The following TCF24 variants were observed in gnomAD, a reference collection of about 807,000 sequenced individuals.
The protein encoded by TCF24 is transcription factor 24.
In TCF24, 5 loss-of-function variants were observed where a neutral mutation model predicts 9.3. The ratio of observed to expected loss-of-function variants is 0.54; its 90% CI spans 0.28 to 1.13. The LOEUF (loss-of-function observed/expected upper bound fraction) is 1.13, where lower values mean the gene tolerates loss of function less well. TCF24 is among the 50% of genes most tolerant of loss of function. The pLI is 0.09. For synonymous variants in TCF24, 110 were observed against 115.8 expected (o/e 0.95, Z 0.32); for missense variants, 220 against 236.1 (o/e 0.93, Z 0.45).
At chr8:66,961,208 G>A (rs1024397462) in intron 3 of TCF24, among the ~76,000 whole-genome samples, 168 bp downstream of exon 3, 2 of 152,150 alleles carry the variant, frequency 1.3e-5, no homozygotes, top group Non-Finnish European at 2.9e-5. Flanking sequence ...CGGCTTTCGC[G>A]GCGGGGACCT....
Position 66,961,457 on chromosome 8 carries a change from G to C in TCF24, c.309C>G (p.Arg103=). Residue 103 remains arginine, a synonymous_variant, in exon 3 of 4, where the codon CGC becomes CGG. Transcript: ENST00000563496. ...GCGCCTCGGCGTCGTCCTGCAGGCT[G>C]CGGGTGAGATGCGCGATGTAGGTGG... ...LATTYIAHLT[R]SLQDDAEAPA... The C allele has an allele frequency of 2.0e-6, 3 of 1,528,492 alleles. No homozygotes were observed. The highest frequency in any genetic ancestry group is 1.7e-4 in the Middle Eastern group (1 of 5,908). 94.7% of individuals were successfully genotyped at this position (1,528,492 alleles called of 1,614,324 possible). A position where few individuals can be genotyped will look rare whatever the true frequency, so the allele number is the denominator to read the frequency against.
Position 66,946,880 on chromosome 8 carries a change from C to T in TCF24, c.*1171G>A, listed in dbSNP as rs181141732. ...TCTTAAGAATTATTAGCAAGAAAAT[C>T]ATTTTTCTGAAATTCTTGCTGTTAA... On this transcript the variant is annotated 3_prime_UTR_variant, in exon 4 of 4. Transcript: ENST00000563496. 6 of 152,186 alleles carry T rather than the reference C, an allele frequency of 3.9e-5. No homozygotes were observed. Among genetic ancestry groups the T allele is most frequent in the Admixed American group, 3.3e-4 (5 of 15,288 alleles). The allele number at this position is 152,186 out of a possible 1,614,324, so 9.4% of individuals were successfully genotyped here.
At chr8:66,948,691 CTATCTATCTATCTAT>C (rs1172818709) in intron 3 of TCF24, among the ~76,000 whole-genome samples, 40 of 150,794 alleles carry the variant, frequency 2.7e-4, no homozygotes, top group African/African-American at 9.9e-4. Context: ...ATCTATCTAT[CTATCTATCTATCTAT>C]TTTTTTTGAG....
At chr8:66,953,583 C>T (rs1183889124) in intron 3 of TCF24, among the ~76,000 whole-genome samples, 1 of 150,690 alleles carries the variant, frequency 6.6e-6, no homozygotes, top group African/African-American at 2.4e-5. Context: ...CTTGGAGTTG[C>T]TCTTCTCGAG....
At position 66,948,071 on chromosome 8, in the gene TCF24, G is replaced by A. The variant is rs1454030153; in HGVS notation, c.484C>T (p.Pro162Ser). The A allele has an allele frequency of 1.3e-6, 2 of 1,534,214 alleles. No homozygotes were observed. The highest frequency in any genetic ancestry group is 1.7e-6 in the Non-Finnish European group (2 of 1,146,348). Residue 162 changes from proline (P) to serine (S), a missense_variant, in exon 4 of 4, where the codon CCA (proline) becomes TCA (serine). Transcript: ENST00000563496. ...AGAGCCTAAGGCTGTGAGTCTGTTG[G>A]AGTGTTGTCATGATTTGTTTTTTCT... ...SGEKTNHDNT[P>S]TDSQP
intron 3 of TCF24, among the ~76,000 whole-genome samples, chr8:66,958,205 C>T (rs1195917951): frequency 1.3e-5 from 2 of 152,164 alleles, no homozygotes; most frequent in Non-Finnish European, 2.9e-5. Flanking sequence ...TGCATGTCAT[C>T]AGGATGCCAA....
chr8:66,952,658 TTC>T (rs1218072137), intron 3 of TCF24, among the ~76,000 whole-genome samples: 2 of 148,398 alleles, frequency 1.3e-5, no homozygotes, highest in Non-Finnish European at 3.0e-5. Context: ...CTTGTTGACT[TTC>T]TGTCTCGTTG....
rs192784883 is a variant in TCF24 at position 66,958,637 on chromosome 8, G to C, written c.390+2739C>G. ...GATCGCACCACTGCACTCTAGCTTG[G>C]GTGACAGAGAGAGACTCCATCTCAA... On this transcript the variant is annotated intron_variant, in intron 3 of 3. Coordinates refer to ENST00000563496, the MANE Select transcript of TCF24 (RefSeq NM_001193502.2). Among the ~76,000 whole-genome samples, 52 of 152,096 alleles carry C rather than the reference G, an allele frequency of 3.4e-4. No individual in the cohort carries two copies. In the East Asian group the frequency reaches 3.7e-3, roughly 11 times the overall value.
At chr8:66,950,015 C>CA (rs1457013118) in intron 3 of TCF24, among the ~76,000 whole-genome samples, 2 of 135,804 alleles carry the variant, frequency 1.5e-5, no homozygotes, top group Non-Finnish European at 3.1e-5. Context: ...AGCCCTTTGT[C>CA]AGATGAGTAG....
chr8:66,952,553 GA>G (rs1278178547), intron 3 of TCF24, among the ~76,000 whole-genome samples: 2 of 151,442 alleles, frequency 1.3e-5, no homozygotes, highest in Admixed American at 6.6e-5. Context: ...GTGTGGTGCT[GA>G]AAAAAATGCA....
At chr8:66,949,570 T>C (rs1814023977) in intron 3 of TCF24, among the ~76,000 whole-genome samples, 3 of 152,210 alleles carry the variant, frequency 2.0e-5, no homozygotes, top group Admixed American at 2.0e-4. Flanking sequence ...AACATACGTG[T>C]GCATGTCTCT....
At chr8:66,950,643 T>C (rs533416271) in intron 3 of TCF24, among the ~76,000 whole-genome samples, 1 of 152,332 alleles carries the variant, frequency 6.6e-6, no homozygotes, top group African/African-American at 2.4e-5. Flanking sequence ...CATTGGTAGC[T>C]TTATGGGGAT....
intron 3 of TCF24, among the ~76,000 whole-genome samples, chr8:66,953,662 G>A (rs968669999): frequency 2.6e-5 from 4 of 152,056 alleles, no homozygotes; most frequent in Non-Finnish European, 5.9e-5. Flanking sequence ...GATTGGGGAA[G>A]TTCTCCTGGA....
intron 3 of TCF24, among the ~76,000 whole-genome samples, chr8:66,952,773 G>A (rs1304769338): frequency 1.3e-5 from 2 of 151,860 alleles, no homozygotes; most frequent in East Asian, 1.9e-4. Flanking sequence ...ATGAATCTAG[G>A]TGCTCCTGTA....
chr8:66,949,110 T>A (rs1208001492), intron 3 of TCF24, among the ~76,000 whole-genome samples: 1 of 152,308 alleles, frequency 6.6e-6, no homozygotes, highest in Non-Finnish European at 1.5e-5. Context: ...TTTTTTCTTT[T>A]TTTTTTATTA....
At chr8:66,949,251 C>G (rs1814017907) in intron 3 of TCF24, among the ~76,000 whole-genome samples, 1 of 152,024 alleles carries the variant, frequency 6.6e-6, no homozygotes, top group Non-Finnish European at 1.5e-5. Context: ...CTATCCCTCC[C>G]CCCTCCTCCC....
At chr8:66,956,293 A>T (rs976424517) in intron 3 of TCF24, among the ~76,000 whole-genome samples, 2 of 151,900 alleles carry the variant, frequency 1.3e-5, no homozygotes, top group African/African-American at 4.8e-5. Context: ...ATGCATTCCT[A>T]TACATTCTAG....
intron 2 of TCF24, 40 bp from the exon 3 acceptor site, chr8:66,961,828 C>T: frequency 4.7e-6 from 5 of 1,056,258 alleles, no homozygotes; most frequent in Non-Finnish European, 5.7e-6. Context: ...GGGGGGCGGT[C>T]GGGCTTAACC....
intron 3 of TCF24, among the ~76,000 whole-genome samples, chr8:66,958,284 T>C (rs992258016): frequency 1.1e-4 from 16 of 152,196 alleles, no homozygotes; most frequent in African/African-American, 3.6e-4. Context: ...ATTAACACAA[T>C]CCTTACTTAG....
Sources: gnomAD v4.1 joint callset for allele counts (sites outside exome capture counted in the v4.1 genomes callset) on GRCh38, gnomAD v4.1.1 for gene constraint, MANE v1.5 for transcripts, NCBI Gene and HGNC (gene_info 2026-07-23, HGNC 2026-07-21) for gene names.